The following LRRTM4 variants were observed in gnomAD, a reference collection of about 807,000 sequenced individuals.
The protein encoded by LRRTM4 is leucine-rich repeat transmembrane neuronal protein 4.
A neutral mutation model predicts 47.6 loss-of-function variants in LRRTM4; 25 were observed. The observed-to-expected ratio is 0.53, with a 90% CI of 0.38 to 0.73. LRRTM4 has a LOEUF of 0.73. LRRTM4 is among the 30% of genes least tolerant of loss of function. The pLI, the probability that LRRTM4 is intolerant of heterozygous loss-of-function variation, is 0.00. For missense variants in LRRTM4, 638 were observed against 713.4 expected, an observed-to-expected ratio of 0.89 and a Z score of 1.20; for synonymous variants, 311 against 269.5, an observed-to-expected ratio of 1.15 and a Z score of -1.51.
At chr2:77,455,009 G>A (rs1263162871) in intron 3 of LRRTM4, among the ~76,000 whole-genome samples, 1 of 152,056 alleles carries the variant, frequency 6.6e-6, no homozygotes, top group Non-Finnish European at 1.5e-5. Context: ...CCAACATGGT[G>A]AAACCCAATC....
chr2:77,137,273 T>C (rs1354382554), intron 3 of LRRTM4, among the ~76,000 whole-genome samples: 2 of 151,882 alleles, frequency 1.3e-5, no homozygotes, highest in African/African-American at 2.4e-5. Flanking sequence ...TCACAGCAGA[T>C]CTCTTGGCAG....
At chr2:77,002,017 G>A (rs149063620) in intron 3 of LRRTM4, among the ~76,000 whole-genome samples, 130 of 152,146 alleles carry the variant, frequency 8.5e-4, no homozygotes, top group African/African-American at 3.1e-3. Context: ...AATAGGGCTT[G>A]ATTGATTTTC....
chr2:77,061,990 T>C (rs1679802257), intron 3 of LRRTM4, among the ~76,000 whole-genome samples: 1 of 152,164 alleles, frequency 6.6e-6, no homozygotes, highest in Non-Finnish European at 1.5e-5. Context: ...CAAGTGACCT[T>C]ATAAAGTACA....
At chr2:76,980,502 G>GT (rs1345582286) in intron 3 of LRRTM4, among the ~76,000 whole-genome samples, 1 of 152,054 alleles carries the variant, frequency 6.6e-6, no homozygotes, top group Non-Finnish European at 1.5e-5. Context: ...TGTGTCACTT[G>GT]CAGAAAAATT....
At chr2:76,807,427 T>C (rs376026235) in intron 3 of LRRTM4, among the ~76,000 whole-genome samples, 11,472 of 86,562 alleles carry the variant, frequency 0.13, 1,175 homozygotes, top group East Asian at 0.43. Context: ...TATATATACA[T>C]ATATATATAC....
At chr2:76,793,672 A>G (rs904830420) in intron 3 of LRRTM4, among the ~76,000 whole-genome samples, 1 of 152,138 alleles carries the variant, frequency 6.6e-6, no homozygotes, top group African/African-American at 2.4e-5. Flanking sequence ...GTAGATGAAG[A>G]GTCAGTGATT....
chr2:77,138,846 T>A (rs2103753815), intron 3 of LRRTM4, among the ~76,000 whole-genome samples: 2 of 152,270 alleles, frequency 1.3e-5, no homozygotes, highest in East Asian at 3.9e-4. Flanking sequence ...TATACACACC[T>A]TTATGCAAAT....
At chr2:77,459,468 C>T (rs1213163682) in intron 3 of LRRTM4, among the ~76,000 whole-genome samples, 1 of 151,832 alleles carries the variant, frequency 6.6e-6, no homozygotes, top group Non-Finnish European at 1.5e-5. Context: ...TGTAAAAGTC[C>T]TTAATAAAAC....
chr2:77,159,490 G>A (rs1381302313), intron 3 of LRRTM4, among the ~76,000 whole-genome samples: 4 of 148,974 alleles, frequency 2.7e-5, no homozygotes, highest in African/African-American at 1.0e-4. Context: ...CCTGCATGTT[G>A]TGCACATGTA....
intron 3 of LRRTM4, among the ~76,000 whole-genome samples, chr2:76,837,504 C>G (rs953374336): frequency 3.3e-5 from 5 of 151,978 alleles, no homozygotes; most frequent in Non-Finnish European, 7.4e-5. Flanking sequence ...CCTGCTTTCT[C>G]TTGTGGGCAT....
chr2:76,974,201 TATATATATACAC>T (rs1389028222), intron 3 of LRRTM4, among the ~76,000 whole-genome samples: 7 of 70,682 alleles, frequency 9.9e-5, no homozygotes, highest in East Asian at 3.7e-4. Flanking sequence ...TATATACATA[TATATATATACAC>T]ATATATATAC....
intron 3 of LRRTM4, among the ~76,000 whole-genome samples, chr2:77,331,344 C>T (rs1670965899): frequency 6.6e-6 from 1 of 152,028 alleles, no homozygotes; most frequent in African/African-American, 2.4e-5. Flanking sequence ...CAAGGGATGC[C>T]ATTGTTTGGG....
intron 3 of LRRTM4, among the ~76,000 whole-genome samples, chr2:77,403,470 T>C (rs1019834863): frequency 6.6e-6 from 1 of 151,850 alleles, no homozygotes; most frequent in Non-Finnish European, 1.5e-5. Context: ...GAATGAAAGA[T>C]AAATGAGAAG....
intron 3 of LRRTM4, among the ~76,000 whole-genome samples, chr2:77,053,639 T>C (rs1679511760): frequency 6.6e-6 from 1 of 152,124 alleles, no homozygotes; most frequent in South Asian, 2.1e-4. Flanking sequence ...GATCTGTAGC[T>C]GCTAGCCATT....
At chr2:76,930,500 C>T (rs1416224258) in intron 3 of LRRTM4, among the ~76,000 whole-genome samples, 1 of 152,086 alleles carries the variant, frequency 6.6e-6, no homozygotes, top group Non-Finnish European at 1.5e-5. Context: ...CAGAAGTAAC[C>T]GCAGATGCCA....
chr2:77,070,420 T>G (rs1680113496), intron 3 of LRRTM4, among the ~76,000 whole-genome samples: 1 of 152,066 alleles, frequency 6.6e-6, no homozygotes, highest in East Asian at 1.9e-4. Flanking sequence ...ATATATATAT[T>G]TTAAAGATAA....
At chr2:77,125,590 G>C (rs1671633731) in intron 3 of LRRTM4, among the ~76,000 whole-genome samples, 2 of 152,168 alleles carry the variant, frequency 1.3e-5, no homozygotes, top group African/African-American at 4.8e-5. Context: ...CCATTTTTAA[G>C]ATGCTTCTTA....
intron 3 of LRRTM4, among the ~76,000 whole-genome samples, chr2:77,427,272 C>T (rs952378168): frequency 3.3e-5 from 5 of 152,050 alleles, no homozygotes; most frequent in African/African-American, 7.2e-5. Context: ...CCACCGCACC[C>T]GGCCTAGCTT....
At chr2:76,908,513 A>C (rs1673932894) in intron 3 of LRRTM4, among the ~76,000 whole-genome samples, 1 of 151,870 alleles carries the variant, frequency 6.6e-6, no homozygotes, top group African/African-American at 2.4e-5. Flanking sequence ...CAGGAGAAGG[A>C]AATAAAGGGT....
Sources: gnomAD v4.1 joint callset for allele counts (sites outside exome capture counted in the v4.1 genomes callset) on GRCh38, gnomAD v4.1.1 for gene constraint, MANE v1.5 for transcripts, NCBI Gene and HGNC (gene_info 2026-07-23, HGNC 2026-07-21) for gene names.